Variants in MROH1 observed in about 807,000 individuals in gnomAD.
MROH1 encodes maestro heat-like repeat-containing protein family member 1.
In MROH1, 117 loss-of-function variants were observed where a neutral mutation model predicts 116.5. That is an observed-to-expected ratio of 1.00 (90% CI 0.86 to 1.17). The LOEUF is 1.17. MROH1 is among the 50% of genes most tolerant of loss of function. The pLI, the probability that MROH1 is intolerant of heterozygous loss-of-function variation, is 0.00. For missense variants in MROH1, 1,873 were observed against 1,338.5 expected, an observed-to-expected ratio of 1.40 and a Z score of -6.23; for synonymous variants, 921 against 583.9, an observed-to-expected ratio of 1.58 and a Z score of -8.32.
intron 4 of MROH1, among the ~76,000 whole-genome samples, chr8:144,172,097 A>G (rs1822590818): frequency 6.6e-6 from 1 of 152,202 alleles, no homozygotes; most frequent in Admixed American, 6.5e-5. Flanking sequence ...TGAAGGAAAT[A>G]AAAGTATTTT....
intron 10 of MROH1, among the ~76,000 whole-genome samples, chr8:144,197,080 G>T (rs1830075198): frequency 6.6e-6 from 1 of 152,130 alleles, no homozygotes; most frequent in Admixed American, 6.5e-5. Context: ...GGGAAACAGA[G>T]CAAGACTCTG....
At chr8:144,192,598 T>C (rs545599152) in intron 10 of MROH1, 197 bp downstream of exon 10, 8 of 702,096 alleles carry the variant, frequency 1.1e-5, no homozygotes, top group Non-Finnish European at 2.1e-5. Flanking sequence ...TAGTGGCACA[T>C]GCAGGTGACA....
At chr8:144,260,579 C>G (rs1257492119) in intron 39 of MROH1, 98 bp from the exon 40 acceptor site, 14 of 763,316 alleles carry the variant, frequency 1.8e-5, no homozygotes, top group Non-Finnish European at 3.1e-5. Flanking sequence ...TTTCCTGGCC[C>G]GGGTCAGGCA....
At chr8:144,242,298 C>T in intron 22 of MROH1, 71 bp from the exon 23 acceptor site, 1 of 779,298 alleles carries the variant, frequency 1.3e-6, no homozygotes, top group Non-Finnish European at 2.4e-6. Flanking sequence ...TCAGGAGTTT[C>T]TGAGCCGAGG....
At chr8:144,208,055 C>T (rs1248315225) in intron 12 of MROH1, among the ~76,000 whole-genome samples, 5 of 151,962 alleles carry the variant, frequency 3.3e-5, no homozygotes, top group African/African-American at 1.2e-4. Context: ...AAGTGATTCT[C>T]CTGCCTCAGC....
chr8:144,241,413 G>A lies in MROH1; in HGVS notation c.2074G>A (p.Gly692Arg). The A allele has an allele frequency of 3.9e-6, 3 of 778,242 alleles. No homozygotes were observed. Among genetic ancestry groups the A allele is most frequent in the East Asian group, 2.4e-5 (1 of 41,238 alleles). 48.2% of individuals were successfully genotyped at this position (778,242 alleles called of 1,614,324 possible). A position where few individuals can be genotyped will look rare whatever the true frequency, so the allele number is the denominator to read the frequency against. ...AEREGLACCF[G>R]ICAISHLEDT... Reference sequence around the variant, plus strand: ...CCCCCAGGGCCTCGCCTGCTGCTTCGGGATCTGTGCCATCTCCCACCTCGA... The same window carrying A: ...CCCCCAGGGCCTCGCCTGCTGCTTCAGGATCTGTGCCATCTCCCACCTCGA... Residue 692 changes from glycine (G) to arginine (R), a missense_variant, in exon 22 of 44, where the codon GGG becomes AGG. By Grantham distance (125) the Gly-to-Arg change is moderately radical (BLOSUM62 -2). Transcript: ENST00000326134.
intron 5 of MROH1, 111 bp downstream of exon 5, chr8:144,179,697 C>T: frequency 1.4e-6 from 2 of 1,393,728 alleles, no homozygotes; most frequent in African/African-American, 1.4e-5. Context: ...TGTTTGGCTG[C>T]CTTGGGCTGG....
chr8:144,220,751 A>T (rs981500988), intron 13 of MROH1, 78 bp downstream of exon 13: 1 of 1,316,142 alleles, frequency 7.6e-7, no homozygotes. Context: ...GTGCTGTGAG[A>T]TCACCCACCA....
intron 12 of MROH1, among the ~76,000 whole-genome samples, chr8:144,207,466 C>T (rs1177015681): frequency 1.3e-5 from 2 of 152,058 alleles, no homozygotes; most frequent in Non-Finnish European, 2.9e-5. Context: ...GATTTACAGG[C>T]GTGAGCCACC....
At chr8:144,194,256 T>A (rs1171159444) in intron 10 of MROH1, among the ~76,000 whole-genome samples, 12 of 151,656 alleles carry the variant, frequency 7.9e-5, no homozygotes, top group African/African-American at 2.7e-4. Flanking sequence ...AGAGATGGGG[T>A]TTCACCATGT....
Position 144,180,430 on chromosome 8 carries a change from G to A in MROH1, c.469G>A (p.Gly157Ser), listed in dbSNP as rs191289982. Residue 157 changes from glycine to serine, a missense_variant, in exon 7 of 44, where the codon GGC becomes AGC. Physicochemically the swap from Gly to Ser is moderately conservative, Grantham distance 56. Coordinates refer to ENST00000326134, the MANE Select transcript of MROH1 (RefSeq NM_032450.3). The surrounding 1 kb of genome is among the most constrained non-coding windows in gnomAD (Gnocchi z 7.4). Reference sequence around the variant, plus strand: ...GACGGTGTCCTCTCTCACAGCGTTCGGCGTAGTCCCCTTCCTGCCATCCGT... The same window carrying A: ...GACGGTGTCCTCTCTCACAGCGTTCAGCGTAGTCCCCTTCCTGCCATCCGT... ...LASLSVANAF[G>S]VVPFLPSVLS... 78 of 1,613,098 alleles carry A rather than the reference G, an allele frequency of 4.8e-5. No individual in the cohort carries two copies. The highest frequency in any genetic ancestry group is 4.2e-4 in the Admixed American group (25 of 60,026).
chr8:144,161,438 C>T (rs1028599075), intron 2 of MROH1, among the ~76,000 whole-genome samples: 2 of 152,142 alleles, frequency 1.3e-5, no homozygotes, highest in Non-Finnish European at 1.5e-5. Flanking sequence ...CTGCAGACTC[C>T]GGCCGCCTTG....
At chr8:144,241,161 C>T (rs1193145614) in intron 21 of MROH1, 50 bp downstream of exon 21, 7 of 719,590 alleles carry the variant, frequency 9.7e-6, no homozygotes, top group Admixed American at 2.0e-5. Flanking sequence ...GGCTGGAGGA[C>T]GGTGGCACCT....
At position 144,180,241 on chromosome 8, in the gene MROH1, A is replaced by G; in HGVS notation, c.364A>G (p.Ile122Val). 6.2e-7 allele frequency: 1 copy of G among 1,613,198 alleles called. No homozygotes were observed. Among genetic ancestry groups the G allele is most frequent in the Non-Finnish European group, 8.5e-7 (1 of 1,179,818 alleles). Residue 122 changes from isoleucine (I) to valine (V), a missense_variant, in exon 6 of 44, where the codon ATC becomes GTC. Physicochemically the swap from Ile to Val is conservative, Grantham distance 29. Coordinates refer to ENST00000326134, the MANE Select transcript of MROH1 (RefSeq NM_032450.3). This position sits in a 1 kb window ranked among gnomAD's most constrained non-coding sequence, Gnocchi z 7.4. ...GVLVAVGRQFISKVMEELLRR... is the reference protein window; with the variant it reads ...GVLVAVGRQFVSKVMEELLRR... ...CCTGGTGGCCGTGGGAAGACAGTTC[A>G]TCAGCAAGGTGATGGAGGAGCTGCT...
chr8:144,254,973 C>G lies in MROH1; in HGVS notation c.3589C>G (p.Leu1197Val). 1 of 764,954 alleles carries G rather than the reference C, an allele frequency of 1.3e-6. No homozygotes were observed. The highest frequency in any genetic ancestry group is 2.4e-6 in the Non-Finnish European group (1 of 412,852). 47.4% of individuals were successfully genotyped at this position (764,954 alleles called of 1,614,324 possible). Residue 1197 changes from leucine to valine, a missense_variant, in exon 34 of 44, where the codon CTC becomes GTC. Coordinates refer to ENST00000326134, the MANE Select transcript of MROH1 (RefSeq NM_032450.3). ...TPDRVATLLP[L>V]SATCALFEVM... ...AGACCGCGTGGCCACGCTGCTGCCT[C>G]TCTCGGTGAGTCGGGCTCTCGGGGC...
intron 22 of MROH1, 30 bp downstream of exon 22, chr8:144,241,547 A>G: frequency 1.3e-6 from 1 of 777,166 alleles, no homozygotes; most frequent in Non-Finnish European, 2.4e-6. Context: ...AGGGCTGGGG[A>G]CGGCTGTCTA....
intron 22 of MROH1, 61 bp downstream of exon 22, chr8:144,241,578 G>C: frequency 1.3e-6 from 1 of 774,656 alleles, no homozygotes; most frequent in South Asian, 1.4e-5. Context: ...TGAGGCTCAG[G>C]GGGTGCCCTG....
chr8:144,181,214 C>T (rs750705526), intron 7 of MROH1, among the ~76,000 whole-genome samples: 11 of 118,388 alleles, frequency 9.3e-5, no homozygotes, highest in African/African-American at 1.9e-4. Flanking sequence ...GACCAGCCCT[C>T]GTAAAGAGCC....
At chr8:144,258,574 C>G (rs1844367925) in intron 35 of MROH1, among the ~76,000 whole-genome samples, 2 of 152,216 alleles carry the variant, frequency 1.3e-5, no homozygotes. Context: ...ACCTCCAAGC[C>G]AACATCTGCG....
Sources: gnomAD v4.1 joint callset for allele counts (sites outside exome capture counted in the v4.1 genomes callset) on GRCh38, gnomAD v4.1.1 for gene constraint, Gnocchi (gnomAD v3.1) non-coding constraint, MANE v1.5 for transcripts, NCBI Gene and HGNC (gene_info 2026-07-23, HGNC 2026-07-21) for gene names.